ZNF567: variants seen among roughly 807,000 people sequenced by gnomAD.
ZNF567 encodes zinc finger protein 567.
A neutral mutation model predicts 53.9 loss-of-function variants in ZNF567; 36 were observed. The observed-to-expected ratio is 0.67, with a 90% CI of 0.51 to 0.88. The LOEUF (loss-of-function observed/expected upper bound fraction) is 0.88, where lower values mean the gene tolerates loss of function less well. Ranked by LOEUF, ZNF567 falls within the 40% of genes least tolerant of loss-of-function variation. The pLI is 0.00. For missense variants in ZNF567, 619 were observed against 764.7 expected (o/e 0.81, Z 2.25); for synonymous variants, 224 against 260.4 (o/e 0.86, Z 1.35).
At chr19:36,706,263 G>A (rs145810641) in intron 3 of ZNF567, among the ~76,000 whole-genome samples, 12 of 152,134 alleles carry the variant, frequency 7.9e-5, no homozygotes, top group Non-Finnish European at 1.5e-4. Context: ...GCCCTACTTC[G>A]TAATACTATC....
chr19:36,724,631 G>A (rs11670914), downstream of ZNF567, among the ~76,000 whole-genome samples: 45,984 of 148,302 alleles, frequency 0.31, 7,463 homozygotes, highest in East Asian at 0.57. Flanking sequence ...GTAGTGAGCC[G>A]AGATCACGCC....
At chr19:36,677,364 C>T in the ZNF567 span, among the ~76,000 whole-genome samples, 1 of 143,870 alleles carries the variant, frequency 7.0e-6, no homozygotes, top group African/African-American at 2.6e-5. Flanking sequence ...GAGGCTGAGG[C>T]AGGAGAATTG....
the ZNF567 span, among the ~76,000 whole-genome samples, chr19:36,672,698 A>G: frequency 2.7e-4 from 41 of 152,170 alleles, no homozygotes; most frequent in Non-Finnish European, 5.3e-4. Context: ...TGCTTCCATC[A>G]TGGAAGGGGT....
Position 36,708,005 on chromosome 19 carries a change from C to A in ZNF567, c.10-4381C>A, listed in dbSNP as rs566124699. 1.7e-3 allele frequency among the ~76,000 whole-genome samples: 260 copies of A among 152,292 alleles called. 1 individual carries two copies. Among genetic ancestry groups the A allele is most frequent in the African/African-American group, 6.0e-3 (250 of 41,558 alleles). Reference sequence around the variant, plus strand: ...CTAACTCCTGGGCTCAAGCGATCCCCCCACCTCAGTCTCCAGTGTAGCTGG... The same window carrying A: ...CTAACTCCTGGGCTCAAGCGATCCCACCACCTCAGTCTCCAGTGTAGCTGG... On this transcript the variant is annotated intron_variant, in intron 3 of 5. Transcript: ENST00000682579.
the ZNF567 span, chr19:36,668,808 G>C: frequency 6.6e-6 from 1 of 152,176 alleles, no homozygotes. Context: ...GCTTGTGTCT[G>C]ATTCTCATTC....
rs774485884 is a variant in ZNF567 at position 36,720,713 on chromosome 19, A to G, written c.*45A>G. On this transcript the variant is annotated 3_prime_UTR_variant, in exon 6 of 6. Transcript: ENST00000682579. ...GAATTCTTTACAAGCTGTTGTAAAC[A>G]TTTAGTTTTAAAAAGAAAAGCATGC... is the stretch of plus-strand genomic sequence containing the variant. 63 of 1,469,988 alleles carry G rather than the reference A, an allele frequency of 4.3e-5. No individual in the cohort carries two copies. The highest frequency in any genetic ancestry group is 2.1e-4 in the Middle Eastern group (1 of 4,760). The allele number at this position is 1,469,988 out of a possible 1,614,324, so 91.1% of individuals were successfully genotyped here.
intron 5 of ZNF567, among the ~76,000 whole-genome samples, chr19:36,718,062 A>G (rs1007769521): frequency 2.6e-5 from 4 of 152,216 alleles, no homozygotes; most frequent in Non-Finnish European, 4.4e-5. Flanking sequence ...ATACATAATT[A>G]TGTAGAGGAT....
At chr19:36,694,982 C>A in intron 3 of ZNF567, 106 bp downstream of exon 3, 2 of 1,289,048 alleles carry the variant, frequency 1.6e-6, no homozygotes, top group Non-Finnish European at 2.1e-6. Context: ...ACCTATCTTT[C>A]CCTTCAGAAA....
At chr19:36,713,340 C>G (rs965308107) in intron 5 of ZNF567, among the ~76,000 whole-genome samples, 1 of 152,062 alleles carries the variant, frequency 6.6e-6, no homozygotes, top group African/African-American at 2.4e-5. Context: ...ACCTTTAGTC[C>G]CAGCTACTCA....
At chr19:36,675,751 AG>A in the ZNF567 span, among the ~76,000 whole-genome samples, 1 of 152,174 alleles carries the variant, frequency 6.6e-6, no homozygotes, top group Non-Finnish European at 1.5e-5. Context: ...CAGGAGGCTG[AG>A]GCAGGAGGAT....
At chr19:36,680,217 A>G in the ZNF567 span, among the ~76,000 whole-genome samples, 1 of 152,148 alleles carries the variant, frequency 6.6e-6, no homozygotes, top group South Asian at 2.1e-4. Context: ...AGAAATCTGA[A>G]ATAACAGTTG....
Position 36,719,105 on chromosome 19 carries a change from A to T in ZNF567, c.381A>T (p.Ser127=). ...TFTLGKNPVN[S]KNLPPEYDTH... is the part of the protein sequence containing the mutation. ...CTCTAGGCAAAAACCCTGTGAATTCAAAAAATCTACCTCCTGAATATGATA... is the reference window on the plus strand; with the variant it reads ...CTCTAGGCAAAAACCCTGTGAATTCTAAAAATCTACCTCCTGAATATGATA... The change falls in exon 6 of 6, where the codon TCA becomes TCT. Residue 127 remains serine (S), a synonymous_variant. Coordinates refer to ENST00000682579, the MANE Select transcript of ZNF567 (RefSeq NM_001322917.1). The T allele has an allele frequency of 6.2e-7, 1 of 1,611,246 alleles. No homozygotes were observed. Among genetic ancestry groups the T allele is most frequent in the Non-Finnish European group, 8.5e-7 (1 of 1,179,330 alleles).
rs918912590 is a variant in ZNF567, at chr19:36,712,466, A to G, written c.90A>G (p.Leu30=). 3.1e-6 allele frequency: 5 copies of G among 1,613,968 alleles called. No individual in the cohort carries two copies. Among genetic ancestry groups the G allele is most frequent in the African/African-American group, 1.3e-5 (1 of 74,916 alleles). Reference sequence around the variant, plus strand: ...ACCTGGATCATGCTCAGAAGACTCTATATATGGATGTGATGTTGGAAAACT... The same window carrying G: ...ACCTGGATCATGCTCAGAAGACTCTGTATATGGATGTGATGTTGGAAAACT... ...WQHLDHAQKT[L]YMDVMLENYC... The change falls in exon 4 of 6, where the codon CTA becomes CTG. Residue 30 remains leucine, a synonymous_variant. Coordinates refer to ENST00000682579, the MANE Select transcript of ZNF567 (RefSeq NM_001322917.1).
the ZNF567 span, among the ~76,000 whole-genome samples, chr19:36,672,039 G>A: frequency 6.6e-6 from 1 of 152,190 alleles, no homozygotes; most frequent in African/African-American, 2.4e-5. Flanking sequence ...GATAGAGGTA[G>A]AGAAGACTCA....
intron 3 of ZNF567, among the ~76,000 whole-genome samples, chr19:36,711,035 A>G (rs1040773685): frequency 4.6e-5 from 7 of 151,656 alleles, no homozygotes; most frequent in African/African-American, 1.7e-4. Context: ...TAGTTCCCTC[A>G]CTTCCAGAAT....
intron 3 of ZNF567, among the ~76,000 whole-genome samples, chr19:36,699,227 G>A (rs1003640087): frequency 1.3e-5 from 2 of 152,122 alleles, no homozygotes; most frequent in Non-Finnish European, 2.9e-5. Context: ...AGCTCAGATA[G>A]TTGTAGATAA....
At chr19:36,692,430 T>A (rs1416108829) in intron 2 of ZNF567, among the ~76,000 whole-genome samples, 2 of 152,232 alleles carry the variant, frequency 1.3e-5, no homozygotes, top group Non-Finnish European at 2.9e-5. Flanking sequence ...CGAAGTACAG[T>A]GGCACAGTCA....
At chr19:36,692,552 A>G (rs1213247043) in intron 2 of ZNF567, among the ~76,000 whole-genome samples, 1 of 151,870 alleles carries the variant, frequency 6.6e-6, no homozygotes, top group South Asian at 2.1e-4. Flanking sequence ...GTGTATTTTT[A>G]TTTTGTAGAG....
downstream of ZNF567, among the ~76,000 whole-genome samples, chr19:36,726,281 G>A (rs374206313): frequency 6.6e-5 from 10 of 151,940 alleles, no homozygotes; most frequent in East Asian, 1.9e-4. Context: ...TTTCATGCTC[G>A]TCTTTTTTCA....
Sources: gnomAD v4.1 joint callset for allele counts (sites outside exome capture counted in the v4.1 genomes callset) on GRCh38, gnomAD v4.1.1 for gene constraint, MANE v1.5 for transcripts, NCBI Gene and HGNC (gene_info 2026-07-23, HGNC 2026-07-21) for gene names.